The following RABGAP1L variants were observed in gnomAD, a reference collection of about 807,000 sequenced individuals.
RABGAP1L encodes the protein RAB GTPase activating protein 1 like.
A neutral mutation model predicts 137.7 loss-of-function variants in RABGAP1L; 63 were observed. That is an observed-to-expected ratio of 0.46 (90% confidence interval 0.37 to 0.56). RABGAP1L has a LOEUF of 0.56. Ranked by LOEUF, RABGAP1L falls within the 20% of genes least tolerant of loss-of-function variation. The probability of loss-of-function intolerance (pLI) is 0.00; values close to 1 mark genes in which losing one functional copy is unlikely to be tolerated. For synonymous variants in RABGAP1L, 431 were observed against 433.7 expected, an observed-to-expected ratio of 0.99 and a Z score of 0.08; for missense variants, 1,095 against 1,244.0, an observed-to-expected ratio of 0.88 and a Z score of 1.80.
chr1:174,930,682 C>T lies in RABGAP1L; in HGVS notation c.2341-26775C>T, dbSNP rs542645767. Among the ~76,000 whole-genome samples, 7 of 152,320 alleles carry T rather than the reference C, an allele frequency of 4.6e-5. No individual in the cohort carries two copies. In the South Asian group the frequency reaches 6.2e-4, roughly 14 times the overall value. ...GAGAGAAGAGCACCGTGAACATCCA[C>T]GTAGTCATCACCCAGCTTCAGTAAC... On this transcript the variant is annotated intron_variant, in intron 19 of 25. Transcript: ENST00000681986.
chr1:174,573,186 T>C (rs1668114417), intron 13 of RABGAP1L, among the ~76,000 whole-genome samples: 1 of 151,968 alleles, frequency 6.6e-6, no homozygotes, highest in African/African-American at 2.4e-5. Context: ...GTATATACAC[T>C]ATATGTGTGT....
At chr1:174,978,968 C>G in intron 23 of RABGAP1L, 78 bp downstream of exon 23, 1 of 1,400,472 alleles carries the variant, frequency 7.1e-7, no homozygotes. Context: ...TGCTTGAGGC[C>G]AGGAGTTTGA....
chr1:174,500,080 C>CTT (rs1314254264), intron 13 of RABGAP1L, among the ~76,000 whole-genome samples: 19 of 135,556 alleles, frequency 1.4e-4, no homozygotes, highest in African/African-American at 3.5e-4. Flanking sequence ...CAGGCTTCTT[C>CTT]TTTTTTTTTT....
chr1:174,815,454 A>T (rs1246825622), intron 19 of RABGAP1L, among the ~76,000 whole-genome samples: 2 of 152,232 alleles, frequency 1.3e-5, no homozygotes, highest in African/African-American at 4.8e-5. Flanking sequence ...AAACATTTTT[A>T]AATTATTTTC....
At chr1:174,573,195 G>A in intron 13 of RABGAP1L, among the ~76,000 whole-genome samples, 1 of 149,022 alleles carries the variant, frequency 6.7e-6, no homozygotes, top group Admixed American at 6.7e-5. Context: ...CTATATGTGT[G>A]TGTATATATG....
chr1:174,793,899 G>A (rs1688049024), intron 18 of RABGAP1L, among the ~76,000 whole-genome samples: 1 of 152,088 alleles, frequency 6.6e-6, no homozygotes. Flanking sequence ...TTTATGATAT[G>A]TTGGCCAGGT....
At chr1:174,976,346 T>C (rs1157414309) in intron 22 of RABGAP1L, among the ~76,000 whole-genome samples, 164 bp downstream of exon 22, 2 of 152,214 alleles carry the variant, frequency 1.3e-5, no homozygotes, top group Non-Finnish European at 2.9e-5. Flanking sequence ...TCAACATTTC[T>C]GACATTTTTT....
At chr1:174,466,093 C>G (rs977207050) in intron 13 of RABGAP1L, among the ~76,000 whole-genome samples, 2 of 152,212 alleles carry the variant, frequency 1.3e-5, no homozygotes, top group African/African-American at 4.8e-5. Context: ...GTTCCAACAA[C>G]AGGTCACCTT....
chr1:174,477,012 T>A (rs1200585568), intron 13 of RABGAP1L, among the ~76,000 whole-genome samples: 1 of 152,086 alleles, frequency 6.6e-6, no homozygotes, highest in African/African-American at 2.4e-5. Context: ...AAACATAGGG[T>A]TTGTGGCAGG....
chr1:174,958,830 C>T (rs1222888349), intron 20 of RABGAP1L, among the ~76,000 whole-genome samples: 2 of 152,050 alleles, frequency 1.3e-5, no homozygotes, highest in Admixed American at 6.6e-5. Flanking sequence ...TCAGCATCTT[C>T]GACTAGTTAT....
intron 13 of RABGAP1L, among the ~76,000 whole-genome samples, chr1:174,565,635 G>A (rs1667524811): frequency 6.6e-6 from 1 of 152,074 alleles, no homozygotes; most frequent in Non-Finnish European, 1.5e-5. Flanking sequence ...ACGCAGTTTG[G>A]AATTTTCCTA....
chr1:174,278,841 T>G, intron 10 of RABGAP1L, 62 bp downstream of exon 10: 1 of 1,273,384 alleles, frequency 7.9e-7, no homozygotes, highest in Non-Finnish European at 1.0e-6. Flanking sequence ...CACTTCTTTT[T>G]TAATGCCAAG....
intron 12 of RABGAP1L, among the ~76,000 whole-genome samples, chr1:174,380,323 C>T (rs1686011565): frequency 6.6e-6 from 1 of 152,054 alleles, no homozygotes; most frequent in African/African-American, 2.4e-5. Flanking sequence ...AGGGAGGATT[C>T]CCTCTTTTTC....
chr1:174,978,744 A>G, intron 22 of RABGAP1L, 63 bp from the exon 23 acceptor site: 1 of 1,479,874 alleles, frequency 6.8e-7, no homozygotes, highest in Non-Finnish European at 9.0e-7. Flanking sequence ...ACTTGAATAT[A>G]GATGTTTGTG....
chr1:174,422,376 A>ATT (rs1342323224), intron 13 of RABGAP1L, among the ~76,000 whole-genome samples: 17 of 149,592 alleles, frequency 1.1e-4, no homozygotes, highest in Admixed American at 1.3e-4. Flanking sequence ...ATTTAAGTAG[A>ATT]TTTTTTTTTA....
At chr1:174,620,332 T>G (rs1672326314) in intron 13 of RABGAP1L, among the ~76,000 whole-genome samples, 1 of 152,198 alleles carries the variant, frequency 6.6e-6, no homozygotes, top group Non-Finnish European at 1.5e-5. Flanking sequence ...AGAATATACA[T>G]TCTTTTCAGC....
intron 19 of RABGAP1L, among the ~76,000 whole-genome samples, chr1:174,834,349 C>T (rs1400908826): frequency 6.6e-6 from 1 of 151,232 alleles, no homozygotes; most frequent in African/African-American, 2.4e-5. Flanking sequence ...TCGCTTGAAC[C>T]TGGGAGGCGG....
intron 18 of RABGAP1L, among the ~76,000 whole-genome samples, chr1:174,797,651 AGTGT>A (rs1420575383): frequency 6.8e-5 from 2 of 29,460 alleles, no homozygotes; most frequent in Non-Finnish European, 1.2e-4. Context: ...GTGTGTGGGG[AGTGT>A]GTGTGTGGTG....
chr1:174,965,530 C>A (rs1669540366), intron 20 of RABGAP1L, among the ~76,000 whole-genome samples: 1 of 152,174 alleles, frequency 6.6e-6, no homozygotes, highest in South Asian at 2.1e-4. Context: ...GTTTTGGCTC[C>A]TTGAGAAGAA....
Sources: allele counts gnomAD v4.1 joint callset (sites outside exome capture counted in the v4.1 genomes callset), GRCh38; gene constraint gnomAD v4.1.1; transcripts MANE v1.5; gene names NCBI Gene and HGNC (gene_info 2026-07-23, HGNC 2026-07-21).